Variants in TET2 observed in about 807,000 individuals in gnomAD.
TET2 encodes tet methylcytosine dioxygenase 2.
TET2 carries 299 observed loss-of-function variants against 142.9 expected under a neutral mutation model. The observed-to-expected ratio is 2.09, with a 90% CI of 1.90 to 2.30. The LOEUF is 2.30. Ranked by LOEUF, TET2 falls within the 30% of genes most tolerant of loss-of-function variation. The pLI is 0.00. For missense variants in TET2, 2,418 were observed against 2,378.0 expected, an observed-to-expected ratio of 1.02 and a Z score of -0.35; for synonymous variants, 819 against 849.0, an observed-to-expected ratio of 0.96 and a Z score of 0.61.
intron 1 of TET2, among the ~76,000 whole-genome samples, chr4:105,184,228 T>A (rs1005069399): frequency 1.3e-5 from 2 of 152,214 alleles, no homozygotes; most frequent in Non-Finnish European, 2.9e-5. Flanking sequence ...TAAAAAATAT[T>A]CCCTCATAAC....
intron 2 of TET2, among the ~76,000 whole-genome samples, chr4:105,233,284 T>C (rs898377346): frequency 6.7e-6 from 1 of 148,822 alleles, no homozygotes; most frequent in Admixed American, 6.9e-5. Flanking sequence ...CTTGGGAGGC[T>C]GAGGCAGGAG....
chr4:105,268,279 A>G (rs1436580544), intron 8 of TET2, among the ~76,000 whole-genome samples: 2 of 152,186 alleles, frequency 1.3e-5, no homozygotes, highest in Non-Finnish European at 2.9e-5. Flanking sequence ...TAAATAAATC[A>G]AAATAAACCA....
intron 3 of TET2, chr4:105,237,729 A>T: frequency 8.0e-7 from 1 of 1,244,264 alleles, no homozygotes; most frequent in Non-Finnish European, 1.0e-6. Context: ...TAACGACCAT[A>T]GGCAGTCTAA....
intron 8 of TET2, among the ~76,000 whole-genome samples, chr4:105,267,075 A>G (rs1730715421): frequency 6.6e-6 from 1 of 152,006 alleles, no homozygotes; most frequent in African/African-American, 2.4e-5. Flanking sequence ...GAGAAGATGT[A>G]AGAGAAACAT....
At chr4:105,156,698 A>G (rs1723582682) in intron 1 of TET2, among the ~76,000 whole-genome samples, 1 of 152,212 alleles carries the variant, frequency 6.6e-6, no homozygotes, top group Admixed American at 6.5e-5. Flanking sequence ...ATAACATAGC[A>G]TGGTATATGA....
intron 6 of TET2, among the ~76,000 whole-genome samples, chr4:105,247,646 AC>A (rs1729643934): frequency 4.6e-5 from 1 of 21,692 alleles, no homozygotes; most frequent in African/African-American, 8.3e-4. Context: ...TCTTTTGTTT[AC>A]TTTAACCTAT....
chr4:105,262,946 A>T (rs1285619864), intron 8 of TET2, among the ~76,000 whole-genome samples: 2 of 151,996 alleles, frequency 1.3e-5, no homozygotes, highest in African/African-American at 4.8e-5. Flanking sequence ...CCAGCTACCC[A>T]GGAGACCAGG....
At chr4:105,205,609 C>A (rs1726768340) in intron 2 of TET2, among the ~76,000 whole-genome samples, 1 of 152,080 alleles carries the variant, frequency 6.6e-6, no homozygotes, top group Admixed American at 6.6e-5. Context: ...ATATAATTTT[C>A]TCAGAGTATT....
At chr4:105,179,996 A>C (rs1362896124) in intron 1 of TET2, among the ~76,000 whole-genome samples, 1 of 152,080 alleles carries the variant, frequency 6.6e-6, no homozygotes, top group African/African-American at 2.4e-5. Flanking sequence ...AGGGTTGTTC[A>C]TTTGTCTGTC....
At chr4:105,267,715 G>T (rs910017192) in intron 8 of TET2, among the ~76,000 whole-genome samples, 1 of 151,272 alleles carries the variant, frequency 6.6e-6, no homozygotes, top group African/African-American at 2.4e-5. Context: ...AAATGTAAAT[G>T]GTTTTAACAC....
At chr4:105,266,505 G>A (rs1730687711) in intron 8 of TET2, among the ~76,000 whole-genome samples, 1 of 152,108 alleles carries the variant, frequency 6.6e-6, no homozygotes, top group African/African-American at 2.4e-5. Context: ...GATACAATAT[G>A]TAAATAAGTT....
rs964763613 is a variant in TET2, at chr4:105,199,827, T to C, written c.-47+9322T>C. Among the ~76,000 whole-genome samples, 4 of 152,338 alleles carry C rather than the reference T, an allele frequency of 2.6e-5. No individual in the cohort carries two copies. The South Asian group carries it at 8.3e-4, about 32-fold the overall frequency. ...TGTTCCTATGTTAGTTTGCTATGGA[T>C]AATGGCCTCCAGCTCCATCCATGTC... On this transcript the variant is annotated intron_variant, in intron 2 of 10. Coordinates refer to ENST00000380013, the MANE Select transcript of TET2 (RefSeq NM_001127208.3).
rs115445117 is a variant in TET2 at position 105,230,546 on chromosome 4, G to A, written c.-46-3351G>A. ...ACTAATTGGAGAAGAGAAAAAAACT[G>A]TACCTTGTTGCAGTTTTAATTTGCA... On this transcript the variant is annotated intron_variant, in intron 2 of 10. Transcript: ENST00000380013. Among the ~76,000 whole-genome samples, 625 of 152,226 alleles carry A rather than the reference G, an allele frequency of 4.1e-3. 2 individuals are homozygous for A. Among genetic ancestry groups the A allele is most frequent in the Admixed American group, 8.0e-3 (123 of 15,284 alleles).
intron 8 of TET2, among the ~76,000 whole-genome samples, chr4:105,267,114 T>C (rs1461889891): frequency 2.0e-5 from 3 of 151,498 alleles, no homozygotes; most frequent in Non-Finnish European, 4.4e-5. Flanking sequence ...AAAAAGACTC[T>C]CCACCCAGAA....
chr4:105,193,427 C>G (rs753820743), intron 2 of TET2, among the ~76,000 whole-genome samples: 16 of 151,956 alleles, frequency 1.1e-4, no homozygotes, highest in Non-Finnish European at 1.6e-4. Context: ...TGCATGCTAT[C>G]CTGAAAATAT....
rs1725713143 is a variant in TET2 at position 105,190,347 on chromosome 4, C to G, written c.-192-13C>G. 1.6e-5 allele frequency: 10 copies of G among 643,160 alleles called. No homozygotes were observed. In the South Asian group the frequency reaches 1.6e-4, roughly 10 times the overall value. The allele number at this position is 643,160 out of a possible 1,614,324, so 39.8% of individuals were successfully genotyped here. ...TTGCTAACTTAAAAATGTTCAAACTCTGTCTTCTCTAGGCTGGCAAACATT... is the reference window on the plus strand; with the variant it reads ...TTGCTAACTTAAAAATGTTCAAACTGTGTCTTCTCTAGGCTGGCAAACATT... On this transcript the variant is annotated splice_polypyrimidine_tract_variant and intron_variant, in intron 1 of 10. Coordinates refer to ENST00000380013, the MANE Select transcript of TET2 (RefSeq NM_001127208.3).
chr4:105,237,019 A>C lies in TET2; in HGVS notation c.3077A>C (p.Glu1026Ala), dbSNP rs1018559733. Residue 1026 changes from glutamate (E) to alanine (A), a missense_variant, in exon 3 of 11, where the codon GAG becomes GCG. By Grantham distance (107) the Glu-to-Ala change is moderately radical (BLOSUM62 -1). Transcript: ENST00000380013. Reference protein sequence around the residue: ...CDNVQQKSIIETMEQHLKQFH... With the variant: ...CDNVQQKSIIATMEQHLKQFH... The stretch of plus-strand genomic sequence containing the variant: ...AATGTGCAGCAAAAGAGCATCATTG[A>C]GACCATGGAGCAGCATCTGAAGCAG... 15 of 1,614,086 alleles carry C rather than the reference A, an allele frequency of 9.3e-6. No individual in the cohort carries two copies. The Admixed American group carries it at 1.7e-4, about 18-fold the overall frequency.
intron 2 of TET2, among the ~76,000 whole-genome samples, chr4:105,214,567 C>A (rs1384833963): frequency 6.8e-6 from 1 of 147,918 alleles, no homozygotes; most frequent in African/African-American, 2.5e-5. Context: ...CACCTTGGCT[C>A]AAACCACCAC....
At chr4:105,209,049 GTATATATATATATA>G (rs36045001) in intron 2 of TET2, among the ~76,000 whole-genome samples, 1,005 of 44,326 alleles carry the variant, frequency 0.023, 37 homozygotes, top group South Asian at 0.047. Context: ...TCAAGGCATG[GTATATATATATATA>G]TATATATATA....
Sources: allele counts gnomAD v4.1 joint callset (sites outside exome capture counted in the v4.1 genomes callset), GRCh38; gene constraint gnomAD v4.1.1; transcripts MANE v1.5; gene names NCBI Gene and HGNC (gene_info 2026-07-23, HGNC 2026-07-21).